Variants in SLCO1A2 observed in about 807,000 individuals in gnomAD.
SLCO1A2 encodes solute carrier organic anion transporter family member 1A2.
SLCO1A2 carries 67 observed loss-of-function variants against 69.0 expected under a neutral mutation model. The observed-to-expected ratio is 0.97, with a 90% CI of 0.80 to 1.19. SLCO1A2 has a LOEUF of 1.19. SLCO1A2 is among the 50% of genes most tolerant of loss of function. SLCO1A2 has a pLI of 0.00. For synonymous variants in SLCO1A2, 260 were observed against 265.9 expected (o/e 0.98, Z 0.22); for missense variants, 787 against 793.7 (o/e 0.99, Z 0.10).
At chr12:21,368,417 C>A (rs182186247) in intron 2 of SLCO1A2, among the ~76,000 whole-genome samples, 2 of 152,090 alleles carry the variant, frequency 1.3e-5, no homozygotes, top group Admixed American at 6.6e-5. Flanking sequence ...AAGAGTCACA[C>A]AGAGCAACCA....
intron 2 of SLCO1A2, among the ~76,000 whole-genome samples, chr12:21,362,812 T>C (rs1380969391): frequency 6.6e-6 from 1 of 152,146 alleles, no homozygotes; most frequent in Non-Finnish European, 1.5e-5. Context: ...CATTACATAA[T>C]GGTAACAGGA....
upstream of SLCO1A2, among the ~76,000 whole-genome samples, chr12:21,398,647 T>C (rs1941567870): frequency 6.6e-6 from 1 of 151,712 alleles, no homozygotes; most frequent in African/African-American, 2.4e-5. Context: ...GCAAAACGAA[T>C]CCAGCAGCAC....
At chr12:21,353,854 A>G (rs1938155465) in intron 2 of SLCO1A2, among the ~76,000 whole-genome samples, 1 of 152,190 alleles carries the variant, frequency 6.6e-6, no homozygotes, top group Admixed American at 6.5e-5. Flanking sequence ...AAATTTCCCT[A>G]ATTTACCTTC....
chr12:21,272,598 A>AGTT (rs1328349130), intron 14 of SLCO1A2, among the ~76,000 whole-genome samples: 1 of 152,062 alleles, frequency 6.6e-6, no homozygotes, highest in African/African-American at 2.4e-5. Context: ...TAACTACAGA[A>AGTT]GTTGATTTAG....
intron 12 of SLCO1A2, among the ~76,000 whole-genome samples, chr12:21,276,241 G>A (rs564005788): frequency 6.6e-6 from 1 of 152,044 alleles, no homozygotes; most frequent in Non-Finnish European, 1.5e-5. Flanking sequence ...AAATAAGAAA[G>A]GATGCTGTAT....
chr12:21,307,701 G>A (rs1197975736), intron 4 of SLCO1A2, among the ~76,000 whole-genome samples: 1 of 152,172 alleles, frequency 6.6e-6, no homozygotes, highest in Non-Finnish European at 1.5e-5. Context: ...TTCAAAGTAT[G>A]TTCAGTGAAG....
At chr12:21,310,297 G>A (rs1387252917) in intron 4 of SLCO1A2, among the ~76,000 whole-genome samples, 1 of 152,190 alleles carries the variant, frequency 6.6e-6, no homozygotes, top group African/African-American at 2.4e-5. Context: ...AGTTATGTTT[G>A]CACTATATTG....
intron 12 of SLCO1A2, among the ~76,000 whole-genome samples, chr12:21,288,399 C>T (rs1946301966): frequency 6.6e-6 from 1 of 151,938 alleles, no homozygotes; most frequent in Non-Finnish European, 1.5e-5. Context: ...CAAGATTGTG[C>T]CACTGCACTC....
At chr12:21,361,526 TG>T (rs1306379709) in intron 2 of SLCO1A2, among the ~76,000 whole-genome samples, 5 of 152,200 alleles carry the variant, frequency 3.3e-5, no homozygotes, top group African/African-American at 9.6e-5. Context: ...GGAACAAAGC[TG>T]GACAGAGAAT....
At chr12:21,345,335 T>A (rs1953218252) in intron 2 of SLCO1A2, among the ~76,000 whole-genome samples, 1 of 152,072 alleles carries the variant, frequency 6.6e-6, no homozygotes, top group Non-Finnish European at 1.5e-5. Context: ...TGTGACTCAA[T>A]TCTTATGATG....
intron 10 of SLCO1A2, 83 bp from the exon 11 acceptor site, chr12:21,294,193 G>T: frequency 2.8e-6 from 3 of 1,084,930 alleles, no homozygotes; most frequent in Non-Finnish European, 3.8e-6. Context: ...TCCCCAGTTA[G>T]ATTTCCTCTC....
intron 11 of SLCO1A2, among the ~76,000 whole-genome samples, chr12:21,293,292 G>C (rs1190561777): frequency 2.6e-5 from 4 of 151,970 alleles, no homozygotes; most frequent in Non-Finnish European, 5.9e-5. Flanking sequence ...GACAGAGTGA[G>C]ACTCCATCTC....
intron 11 of SLCO1A2, 83 bp downstream of exon 11, chr12:21,293,862 T>C (rs1947294981): frequency 3.5e-6 from 4 of 1,142,558 alleles, no homozygotes; most frequent in Non-Finnish European, 4.8e-6. Flanking sequence ...ACACTAATTT[T>C]ACTTTTATTA....
At chr12:21,281,178 G>C (rs754622715) in intron 12 of SLCO1A2, among the ~76,000 whole-genome samples, 1 of 152,070 alleles carries the variant, frequency 6.6e-6, no homozygotes, top group Non-Finnish European at 1.5e-5. Flanking sequence ...TGGGCCAGGC[G>C]TGGTGGCTCA....
At chr12:21,353,064 T>C (rs753314423) in intron 2 of SLCO1A2, among the ~76,000 whole-genome samples, 3 of 152,216 alleles carry the variant, frequency 2.0e-5, no homozygotes, top group Non-Finnish European at 4.4e-5. Context: ...AAGGTCTGTT[T>C]AAACATTCAA....
chr12:21,283,981 C>G (rs1945266456), intron 12 of SLCO1A2, among the ~76,000 whole-genome samples: 1 of 152,122 alleles, frequency 6.6e-6, no homozygotes, highest in Non-Finnish European at 1.5e-5. Context: ...ATAAGTACAA[C>G]TACTATGCAG....
intron 1 of SLCO1A2, among the ~76,000 whole-genome samples, chr12:21,415,100 C>T (rs1233188434): frequency 1.3e-5 from 2 of 152,000 alleles, no homozygotes; most frequent in African/African-American, 4.8e-5. Context: ...CTGGTGAGTT[C>T]AGTCTAATCT....
At chr12:21,396,030 T>A (rs1170589861), upstream of SLCO1A2, among the ~76,000 whole-genome samples, 22 of 151,598 alleles carry the variant, frequency 1.5e-4, no homozygotes, top group Non-Finnish European at 2.7e-4. Flanking sequence ...GGAGAATGAC[T>A]TTGACGAGCT....
At chr12:21,349,085 G>T (rs1371070153) in intron 2 of SLCO1A2, among the ~76,000 whole-genome samples, 1 of 152,110 alleles carries the variant, frequency 6.6e-6, no homozygotes, top group African/African-American at 2.4e-5. Context: ...TAAAAATTAA[G>T]ATCTATTTTT....
Sources: allele counts gnomAD v4.1 joint callset (sites outside exome capture counted in the v4.1 genomes callset), GRCh38; gene constraint gnomAD v4.1.1; transcripts MANE v1.5; gene names NCBI Gene and HGNC (gene_info 2026-07-23, HGNC 2026-07-21).